The following NLGN1 variants were observed in gnomAD, a reference collection of about 807,000 sequenced individuals.
NLGN1 encodes the protein neuroligin 1, also known as neuroligin-1.
Under a neutral mutation model 65.5 loss-of-function variants are expected in NLGN1, and 12 were observed. The observed-to-expected ratio is 0.18, with a 90% CI of 0.12 to 0.30. NLGN1 has a LOEUF of 0.30. Among genes scored for constraint, NLGN1 ranks in the 10% least tolerant of loss-of-function variants. The probability of loss-of-function intolerance (pLI) is 1.00; values close to 1 mark genes in which losing one functional copy is unlikely to be tolerated. For missense variants in NLGN1, 750 were observed against 1,007.1 expected (o/e 0.74, Z 3.46); for synonymous variants, 350 against 359.5 (o/e 0.97, Z 0.30).
chr3:173,899,327 A>G (rs1736908118), intron 4 of NLGN1, among the ~76,000 whole-genome samples: 3 of 152,118 alleles, frequency 2.0e-5, no homozygotes, highest in Admixed American at 1.3e-4. Flanking sequence ...AATTTTTCAG[A>G]CTGACTTGCA....
Position 173,469,347 on chromosome 3 carries a change from C to T in NLGN1, c.-321+34269C>T, listed in dbSNP as rs185486063. Among the ~76,000 whole-genome samples the T allele has an allele frequency of 3.6e-3, 548 of 152,146 alleles. 1 individual carries two copies. The highest frequency in any genetic ancestry group is 0.012 in the African/African-American group (497 of 41,542). On this transcript the variant is annotated intron_variant, in intron 2 of 6. Transcript: ENST00000457714. The stretch of plus-strand genomic sequence containing the variant: ...CCATAAGTAGGCATCCCAAACATAG[C>T]AATACCTCCCAGATTGTTAATTAGT...
At chr3:173,765,092 GTGTGTGTA>G (rs1213221385) in intron 3 of NLGN1, among the ~76,000 whole-genome samples, 41 of 147,280 alleles carry the variant, frequency 2.8e-4, no homozygotes, top group African/African-American at 8.8e-4. Flanking sequence ...GTGTGTGTGT[GTGTGTGTA>G]TGTATGCACA....
At chr3:173,856,526 A>G (rs954779035) in intron 4 of NLGN1, among the ~76,000 whole-genome samples, 3 of 152,144 alleles carry the variant, frequency 2.0e-5, no homozygotes, top group Non-Finnish European at 4.4e-5. Context: ...TCAGAGGTTG[A>G]AAAGTTCTTT....
intron 4 of NLGN1, among the ~76,000 whole-genome samples, chr3:173,933,282 G>A (rs1744453627): frequency 1.3e-5 from 2 of 152,078 alleles, no homozygotes; most frequent in African/African-American, 4.8e-5. Flanking sequence ...TGATTACAAA[G>A]CCTCATTGTG....
chr3:173,809,147 A>C (rs895917109), intron 4 of NLGN1, among the ~76,000 whole-genome samples: 1 of 152,146 alleles, frequency 6.6e-6, no homozygotes, highest in Non-Finnish European at 1.5e-5. Context: ...TCGAATACAC[A>C]TGAGTTCCTC....
intron 4 of NLGN1, among the ~76,000 whole-genome samples, chr3:174,008,270 T>G (rs1054270398): frequency 6.6e-6 from 1 of 152,044 alleles, no homozygotes; most frequent in Admixed American, 6.6e-5. Flanking sequence ...CATATGTCAC[T>G]ACTGCTCACA....
intron 4 of NLGN1, among the ~76,000 whole-genome samples, chr3:173,982,680 T>G (rs752913177): frequency 1.3e-5 from 2 of 152,174 alleles, no homozygotes; most frequent in Non-Finnish European, 2.9e-5. Context: ...GAGTCAAACT[T>G]TTTGTCATAT....
intron 3 of NLGN1, among the ~76,000 whole-genome samples, chr3:173,687,978 A>C (rs1764915858): frequency 6.6e-6 from 1 of 152,230 alleles, no homozygotes; most frequent in Non-Finnish European, 1.5e-5. Flanking sequence ...AAAATTAAAC[A>C]GAATGGTCAG....
At chr3:173,588,629 C>G (rs1461499848) in intron 2 of NLGN1, among the ~76,000 whole-genome samples, 1 of 152,170 alleles carries the variant, frequency 6.6e-6, no homozygotes, top group East Asian at 1.9e-4. Flanking sequence ...TCAGTATAAT[C>G]TCTTCTGTGC....
intron 4 of NLGN1, among the ~76,000 whole-genome samples, chr3:174,259,331 A>G (rs1317936577): frequency 1.3e-5 from 2 of 151,706 alleles, no homozygotes; most frequent in African/African-American, 4.8e-5. Context: ...AATCCTTGCT[A>G]CCTCTTTTAT....
intron 4 of NLGN1, among the ~76,000 whole-genome samples, chr3:174,073,234 C>G (rs1025751751): frequency 6.6e-5 from 10 of 151,726 alleles, no homozygotes; most frequent in African/African-American, 2.4e-4. Context: ...GCTAGGGATA[C>G]AGAAGCCATT....
intron 1 of NLGN1, among the ~76,000 whole-genome samples, chr3:173,403,945 T>G (rs1372124317): frequency 2.0e-5 from 3 of 152,128 alleles, no homozygotes; most frequent in Non-Finnish European, 4.4e-5. Context: ...CGTAAACTGC[T>G]GAATTTGTGG....
chr3:173,916,358 C>G (rs1412210379), intron 4 of NLGN1, among the ~76,000 whole-genome samples: 1 of 152,084 alleles, frequency 6.6e-6, no homozygotes, highest in African/African-American at 2.4e-5. Flanking sequence ...TTTGCTCATT[C>G]ATTCACTCAT....
At chr3:174,267,506 A>G (rs1748508798) in intron 4 of NLGN1, among the ~76,000 whole-genome samples, 1 of 152,110 alleles carries the variant, frequency 6.6e-6, no homozygotes, top group Non-Finnish European at 1.5e-5. Flanking sequence ...GGGAATCTCA[A>G]GAGTCTCTCA....
chr3:173,440,410 T>A (rs1718960006), intron 2 of NLGN1, among the ~76,000 whole-genome samples: 1 of 152,162 alleles, frequency 6.6e-6, no homozygotes, highest in Non-Finnish European at 1.5e-5. Context: ...AAGAAGGTTT[T>A]CCATTTACTT....
chr3:173,737,398 C>G (rs542626705), intron 3 of NLGN1, among the ~76,000 whole-genome samples: 17 of 152,038 alleles, frequency 1.1e-4, no homozygotes, highest in Admixed American at 9.8e-4. Context: ...AAATGAAACC[C>G]CATACCTATA....
At chr3:173,548,149 T>C (rs1740214561) in intron 2 of NLGN1, among the ~76,000 whole-genome samples, 1 of 152,116 alleles carries the variant, frequency 6.6e-6, no homozygotes, top group Non-Finnish European at 1.5e-5. Flanking sequence ...CCAAACACTT[T>C]TGGCCCTTCA....
At chr3:173,694,709 A>G (rs1411048469) in intron 3 of NLGN1, among the ~76,000 whole-genome samples, 1 of 152,148 alleles carries the variant, frequency 6.6e-6, no homozygotes, top group East Asian at 1.9e-4. Flanking sequence ...TTGAAATATG[A>G]GATTATAAGC....
At chr3:174,170,165 T>C (rs1042500108) in intron 4 of NLGN1, among the ~76,000 whole-genome samples, 21 of 151,978 alleles carry the variant, frequency 1.4e-4, no homozygotes, top group African/African-American at 4.8e-4. Flanking sequence ...TTATGTACTA[T>C]CTTGCTGTTG....
Sources: gnomAD v4.1 joint callset for allele counts (sites outside exome capture counted in the v4.1 genomes callset) on GRCh38, gnomAD v4.1.1 for gene constraint, MANE v1.5 for transcripts, NCBI Gene and HGNC (gene_info 2026-07-23, HGNC 2026-07-21) for gene names.